The following KLHL29 variants were observed in gnomAD, a reference collection of about 807,000 sequenced individuals.
The protein encoded by KLHL29 is kelch-like protein 29.
In KLHL29, 21 loss-of-function variants were observed where a neutral mutation model predicts 80.4. The observed-to-expected ratio is 0.26, with a 90% CI of 0.19 to 0.38. The LOEUF (loss-of-function observed/expected upper bound fraction) is 0.38. Ranked by LOEUF, KLHL29 falls within the 10% of genes least tolerant of loss-of-function variation. The pLI, the probability that KLHL29 is intolerant of heterozygous loss-of-function variation, is 1.00. For synonymous variants in KLHL29, 511 were observed against 526.8 expected (o/e 0.97, Z 0.41); for missense variants, 867 against 1,223.9 (o/e 0.71, Z 4.35).
At chr2:23,396,017 A>G (rs992567596) in intron 1 of KLHL29, among the ~76,000 whole-genome samples, 4 of 152,254 alleles carry the variant, frequency 2.6e-5, no homozygotes, top group African/African-American at 9.6e-5. Flanking sequence ...ACTGCCTGGA[A>G]GAAACCTAGC....
chr2:23,664,139 A>ATCCGTAATGCCACTTAATAGAGT (rs1199701493), intron 5 of KLHL29, among the ~76,000 whole-genome samples: 1 of 152,222 alleles, frequency 6.6e-6, no homozygotes, highest in Non-Finnish European at 1.5e-5. Context: ...AGATAGGAAG[A>ATCCGTAATGCCACTTAATAGAGT]TCCGTAATGC....
intron 3 of KLHL29, among the ~76,000 whole-genome samples, chr2:23,609,798 G>T (rs1281494150): frequency 6.6e-6 from 1 of 152,168 alleles, no homozygotes; most frequent in Non-Finnish European, 1.5e-5. Context: ...TATCCCCATT[G>T]TATGGGTGAG....
chr2:23,405,611 A>T (rs918458586), intron 1 of KLHL29, among the ~76,000 whole-genome samples: 2 of 152,146 alleles, frequency 1.3e-5, no homozygotes, highest in Non-Finnish European at 2.9e-5. Context: ...TTCCCCAACC[A>T]TGAGGACCAA....
chr2:23,695,508 A>G lies in KLHL29; in HGVS notation c.1543-115A>G. On this transcript the variant is annotated intron_variant, in intron 8 of 13. Transcript: ENST00000486442. This position sits in a 1 kb window ranked among gnomAD's most constrained non-coding sequence, Gnocchi z 7.6. ...GGCTAGCAGAGTATCTACACTCCCA[A>G]GCCTAACACAGCCTGGAATTATCCA... The G allele has an allele frequency of 1.3e-6, 1 of 748,656 alleles. No individual in the cohort carries two copies. Among genetic ancestry groups the G allele is most frequent in the Non-Finnish European group, 2.1e-6 (1 of 468,138 alleles). 46.4% of individuals were successfully genotyped at this position (748,656 alleles called of 1,614,324 possible). A position where few individuals can be genotyped will look rare whatever the true frequency, so the allele number is the denominator to read the frequency against.
At chr2:23,635,213 T>TGGGTA (rs1225789082) in intron 3 of KLHL29, among the ~76,000 whole-genome samples, 1 of 152,222 alleles carries the variant, frequency 6.6e-6, no homozygotes, top group African/African-American at 2.4e-5. Context: ...CGCAGACTCG[T>TGGGTA]GGGTACACAG....
intron 3 of KLHL29, among the ~76,000 whole-genome samples, chr2:23,618,566 C>A (rs948977324): frequency 6.6e-6 from 1 of 152,198 alleles, no homozygotes; most frequent in African/African-American, 2.4e-5. Context: ...ATCCGCTCTT[C>A]TTGGGTCTCA....
In KLHL29 at chr2:23,529,582, C is replaced by T. The variant is rs375208989; in HGVS notation, c.-45-32570C>T. On this transcript the variant is annotated intron_variant, in intron 2 of 13. Coordinates refer to ENST00000486442, the MANE Select transcript of KLHL29 (RefSeq NM_052920.2). Reference sequence around the variant, plus strand: ...CCCACCTCAGCCCCTGTTGCCCACCCGCCCCCACCAAAGCACAGGCTTGGT... The same window carrying T: ...CCCACCTCAGCCCCTGTTGCCCACCTGCCCCCACCAAAGCACAGGCTTGGT... Among the ~76,000 whole-genome samples the T allele has an allele frequency of 1.1e-4, 16 of 152,292 alleles. 1 individual carries two copies. Among genetic ancestry groups the T allele is most frequent in the East Asian group, 9.6e-4 (5 of 5,190 alleles).
intron 1 of KLHL29, among the ~76,000 whole-genome samples, chr2:23,426,914 ATG>A (rs1420507616): frequency 6.6e-6 from 1 of 152,188 alleles, no homozygotes; most frequent in East Asian, 1.9e-4. Context: ...ACAGAGCCAC[ATG>A]TGTCATTCAG....
At chr2:23,545,657 G>A (rs1206072696) in intron 2 of KLHL29, among the ~76,000 whole-genome samples, 1 of 152,218 alleles carries the variant, frequency 6.6e-6, no homozygotes, top group African/African-American at 2.4e-5. Flanking sequence ...TAGGCAGGAG[G>A]CCCTGGAGTA....
chr2:23,421,157 T>C (rs1662789890), intron 1 of KLHL29, among the ~76,000 whole-genome samples: 1 of 152,198 alleles, frequency 6.6e-6, no homozygotes, highest in Admixed American at 6.5e-5. Context: ...TTCCACTCAA[T>C]GTTTCTTCCA....
chr2:23,658,928 G>A (rs1164528787), intron 5 of KLHL29, among the ~76,000 whole-genome samples: 3 of 152,198 alleles, frequency 2.0e-5, no homozygotes, highest in Admixed American at 6.5e-5. Flanking sequence ...GGAGGCCCCA[G>A]CCTCAGCGTG....
intron 3 of KLHL29, among the ~76,000 whole-genome samples, chr2:23,638,077 G>A (rs545833516): frequency 1.0e-5 from 1 of 95,974 alleles, no homozygotes; most frequent in South Asian, 3.9e-4. Flanking sequence ...TACATATAAT[G>A]GCCATAGTAA....
intron 2 of KLHL29, among the ~76,000 whole-genome samples, chr2:23,556,038 T>G (rs1195707142): frequency 6.6e-6 from 1 of 152,256 alleles, no homozygotes; most frequent in South Asian, 2.1e-4. Flanking sequence ...GAAGTGCTTC[T>G]GCCTGTCAGG....
At chr2:23,490,671 T>G (rs1338646296) in intron 2 of KLHL29, among the ~76,000 whole-genome samples, 17 of 152,256 alleles carry the variant, frequency 1.1e-4, no homozygotes, top group Non-Finnish European at 1.5e-5. Flanking sequence ...AAAAGATGAT[T>G]GATTTCTGAC....
chr2:23,394,292 A>C (rs1292310757), intron 1 of KLHL29, among the ~76,000 whole-genome samples: 1 of 152,196 alleles, frequency 6.6e-6, no homozygotes, highest in African/African-American at 2.4e-5. Flanking sequence ...CTCCCAGGGA[A>C]CTTTAAGGAT....
chr2:23,602,078 G>A (rs1452163099), intron 3 of KLHL29, among the ~76,000 whole-genome samples: 1 of 152,208 alleles, frequency 6.6e-6, no homozygotes, highest in East Asian at 1.9e-4. Flanking sequence ...AGGGGACACA[G>A]CAAGGGTCCC....
chr2:23,482,849 AT>A (rs1306329708), intron 2 of KLHL29, among the ~76,000 whole-genome samples: 102 of 151,920 alleles, frequency 6.7e-4, no homozygotes, highest in African/African-American at 2.3e-3. Flanking sequence ...TCATTCATTC[AT>A]TCATTCATTC....
At chr2:23,511,005 T>C (rs991589090) in intron 2 of KLHL29, among the ~76,000 whole-genome samples, 2 of 152,214 alleles carry the variant, frequency 1.3e-5, no homozygotes, top group African/African-American at 4.8e-5. Flanking sequence ...AGGGCCACCA[T>C]AGCAAGGTAG....
At chr2:23,650,817 A>G (rs1015046221) in intron 5 of KLHL29, among the ~76,000 whole-genome samples, 3 of 152,202 alleles carry the variant, frequency 2.0e-5, no homozygotes, top group Admixed American at 6.5e-5. Flanking sequence ...AAAGTATGCC[A>G]TGCTGGACTG....
Sources: gnomAD v4.1 joint callset for allele counts (sites outside exome capture counted in the v4.1 genomes callset) on GRCh38, gnomAD v4.1.1 for gene constraint, Gnocchi (gnomAD v3.1) non-coding constraint, MANE v1.5 for transcripts, NCBI Gene and HGNC (gene_info 2026-07-23, HGNC 2026-07-21) for gene names.